The following C6 variants were observed in gnomAD, a reference collection of about 807,000 sequenced individuals.
The protein encoded by C6 is complement C6, also known as complement component C6.
A neutral mutation model predicts 112.9 loss-of-function variants in C6; 101 were observed. That is an observed-to-expected ratio of 0.89 (90% CI 0.76 to 1.06). The LOEUF (loss-of-function observed/expected upper bound fraction) is 1.06. C6 is among the 50% of genes least tolerant of loss of function. The probability of loss-of-function intolerance (pLI) is 0.00; values close to 1 mark genes in which losing one functional copy is unlikely to be tolerated. For missense variants in C6, 1,202 were observed against 1,104.6 expected (o/e 1.09, Z -1.25); for synonymous variants, 431 against 384.1 (o/e 1.12, Z -1.43).
chr5:41,258,627 T>G (rs1741859234), intron 1 of C6, among the ~76,000 whole-genome samples: 1 of 152,204 alleles, frequency 6.6e-6, no homozygotes, highest in African/African-American at 2.4e-5. Flanking sequence ...ACCTGTTGAA[T>G]GAAAGTAACC....
At position 41,201,602 on chromosome 5, in the gene C6, C is replaced by T; in HGVS notation, c.256G>A (p.Asp86Asn). ...QRCPINCLLG[D>N]FGPWSDCDPC... Reference sequence around the variant, plus strand: ...TCACAGTCTGACCATGGTCCAAAATCTCCCAGGAGGCAGTTGATGGGGCAT... The same window carrying T: ...TCACAGTCTGACCATGGTCCAAAATTTCCCAGGAGGCAGTTGATGGGGCAT... Residue 86 changes from aspartate to asparagine, a missense_variant, in exon 3 of 18, where the codon GAT (aspartate) becomes AAT (asparagine). Physicochemically the swap from Asp to Asn is conservative, Grantham distance 23 (BLOSUM62 1). Transcript: ENST00000337836. The T allele has an allele frequency of 6.2e-7, 1 of 1,613,720 alleles. No homozygotes were observed. The highest frequency in any genetic ancestry group is 8.5e-7 in the Non-Finnish European group (1 of 1,179,906).
At chr5:41,241,778 C>T (rs1211390104) in intron 1 of C6, among the ~76,000 whole-genome samples, 2 of 152,028 alleles carry the variant, frequency 1.3e-5, no homozygotes, top group African/African-American at 4.8e-5. Context: ...CTTCAAAAGA[C>T]CAGATAGCAA....
intron 17 of C6, among the ~76,000 whole-genome samples, chr5:41,144,763 T>C (rs1395460633): frequency 1.3e-5 from 2 of 152,118 alleles, no homozygotes; most frequent in Non-Finnish European, 1.5e-5. Context: ...AAGTCGGCCC[T>C]GGTGTCTGTT....
upstream of C6, among the ~76,000 whole-genome samples, chr5:41,217,882 G>T (rs1752249495): frequency 6.6e-6 from 1 of 152,086 alleles, no homozygotes. Flanking sequence ...TTTCTAGTTT[G>T]TTTCTTGTCC....
At chr5:41,225,949 A>G (rs1207089069) in intron 1 of C6, among the ~76,000 whole-genome samples, 1 of 152,188 alleles carries the variant, frequency 6.6e-6, no homozygotes, top group East Asian at 1.9e-4. Flanking sequence ...ACAAAAATTA[A>G]TTCAAGATGG....
At chr5:41,187,230 T>C (rs939667968) in intron 5 of C6, among the ~76,000 whole-genome samples, 5 of 152,120 alleles carry the variant, frequency 3.3e-5, no homozygotes, top group Non-Finnish European at 7.4e-5. Context: ...AGTACACCCA[T>C]CCCTTCTGAT....
chr5:41,147,218 G>A (rs1188055985), intron 17 of C6, among the ~76,000 whole-genome samples: 11 of 152,160 alleles, frequency 7.2e-5, no homozygotes, highest in Non-Finnish European at 1.5e-4. Context: ...TGCAAGAGAC[G>A]TCAGTTGAGT....
In C6 at chr5:41,158,681, A is replaced by C. The variant is rs1255721005; in HGVS notation, c.1961T>G (p.Phe654Cys). 2.5e-6 allele frequency: 4 copies of C among 1,594,936 alleles called. No homozygotes were observed. Among genetic ancestry groups the C allele is most frequent in the Non-Finnish European group, 3.4e-6 (4 of 1,162,730 alleles). Reference sequence around the variant, plus strand: ...GAGGTTTAGGATGCTGACCCGGATAAATCCATTTTCTGGAGGAACTGGCTG... The same window carrying C: ...GAGGTTTAGGATGCTGACCCGGATACATCCATTTTCTGGAGGAACTGGCTG... ...CPQPVPPENG[F>C]IRNEKQLYLV... The change falls in exon 13 of 18, where the codon TTT becomes TGT. Residue 654 changes from phenylalanine (F) to cysteine (C), a missense_variant. Transcript: ENST00000337836.
intron 1 of C6, among the ~76,000 whole-genome samples, chr5:41,233,764 A>G (rs913290864): frequency 6.6e-6 from 1 of 152,096 alleles, no homozygotes; most frequent in African/African-American, 2.4e-5. Context: ...GAACACTGAG[A>G]CAAACAGCAA....
chr5:41,224,972 A>G (rs1474388213), intron 1 of C6, among the ~76,000 whole-genome samples: 1 of 151,960 alleles, frequency 6.6e-6, no homozygotes, highest in African/African-American at 2.4e-5. Context: ...AAATTTGCGT[A>G]TCCTTGATGG....
chr5:41,187,699 TACAC>T lies in C6; in HGVS notation c.588-1495_588-1492del, dbSNP rs201227440. Among the ~76,000 whole-genome samples, 677 of 123,322 alleles carry T rather than the reference TACAC, an allele frequency of 5.5e-3. 10 individuals are homozygous for T. The highest frequency in any genetic ancestry group is 0.02 in the African/African-American group (647 of 32,826). 80.9% of individuals were successfully genotyped at this position (123,322 alleles called of 152,430 possible). A position where few individuals can be genotyped will look rare whatever the true frequency, so the allele number is the denominator to read the frequency against. ...ATGTAAAAGTACACAGACACACACA[TACAC>T]ACACACACACACACACACACACAGC... On this transcript the variant is annotated intron_variant, in intron 5 of 17. Transcript: ENST00000337836.
intron 3 of C6, 94 bp downstream of exon 3, chr5:41,201,464 A>T: frequency 8.2e-7 from 1 of 1,212,634 alleles, no homozygotes; most frequent in South Asian, 1.3e-5. Context: ...TCAGAAATTG[A>T]AGTAATTCAG....
At chr5:41,157,785 C>G (rs758748819) in intron 13 of C6, among the ~76,000 whole-genome samples, 3 of 152,046 alleles carry the variant, frequency 2.0e-5, no homozygotes, top group African/African-American at 7.2e-5. Context: ...GGTCCTTTGG[C>G]GCATTGTTGA....
chr5:41,146,020 C>T (rs1387002951), intron 17 of C6, among the ~76,000 whole-genome samples: 1 of 152,212 alleles, frequency 6.6e-6, no homozygotes, highest in African/African-American at 2.4e-5. Flanking sequence ...ATATTTCTCT[C>T]TCTTAATGCT....
intron 1 of C6, among the ~76,000 whole-genome samples, chr5:41,240,790 C>T (rs1740658561): frequency 6.6e-6 from 1 of 152,068 alleles, no homozygotes; most frequent in African/African-American, 2.4e-5. Flanking sequence ...GGTGATACCC[C>T]AGGTCCCTTA....
At chr5:41,206,241 G>T (rs1039689131) in intron 1 of C6, among the ~76,000 whole-genome samples, 4 of 152,090 alleles carry the variant, frequency 2.6e-5, no homozygotes, top group Non-Finnish European at 5.9e-5. Flanking sequence ...AAAGACCAAA[G>T]GTAGATAAAA....
chr5:41,197,482 A>T (rs1168487007), intron 4 of C6, among the ~76,000 whole-genome samples: 1 of 152,172 alleles, frequency 6.6e-6, no homozygotes, highest in Non-Finnish European at 1.5e-5. Context: ...TACATTTTTT[A>T]AAAAGTTTTG....
At chr5:41,260,321 A>G (rs1247766016) in intron 1 of C6, among the ~76,000 whole-genome samples, 2 of 152,082 alleles carry the variant, frequency 1.3e-5, no homozygotes, top group African/African-American at 4.8e-5. Context: ...TTTCTTCAGA[A>G]AAAGGACATA....
intron 1 of C6, among the ~76,000 whole-genome samples, chr5:41,257,381 G>C (rs75650524): frequency 6.6e-6 from 1 of 151,768 alleles, no homozygotes; most frequent in East Asian, 1.9e-4. Flanking sequence ...ATACCTTTCC[G>C]TGGTATATGT....
Sources: gnomAD v4.1 joint callset for allele counts (sites outside exome capture counted in the v4.1 genomes callset) on GRCh38, gnomAD v4.1.1 for gene constraint, MANE v1.5 for transcripts, NCBI Gene and HGNC (gene_info 2026-07-23, HGNC 2026-07-21) for gene names.